The following SLIT3 variants were observed in gnomAD, a reference collection of about 807,000 sequenced individuals.
The protein encoded by SLIT3 is slit homolog 3 protein.
A neutral mutation model predicts 184.0 loss-of-function variants in SLIT3; 68 were observed. The ratio of observed to expected loss-of-function variants is 0.37; its 90% CI spans 0.30 to 0.45. The LOEUF is 0.45. Ranked by LOEUF, SLIT3 falls within the 20% of genes least tolerant of loss-of-function variation. The pLI, the probability that SLIT3 is intolerant of heterozygous loss-of-function variation, is 1.00. For missense variants in SLIT3, 1,707 were observed against 2,026.0 expected (o/e 0.84, Z 3.02); for synonymous variants, 831 against 828.6 (o/e 1.00, Z -0.05).
chr5:168,902,567 C>G (rs1045107514), intron 4 of SLIT3, among the ~76,000 whole-genome samples: 1 of 152,154 alleles, frequency 6.6e-6, no homozygotes, highest in African/African-American at 2.4e-5. Flanking sequence ...CAGCCGTTCT[C>G]AAAGTATGGT....
chr5:169,260,229 C>A (rs968466456), intron 1 of SLIT3, among the ~76,000 whole-genome samples: 1 of 152,142 alleles, frequency 6.6e-6, no homozygotes, highest in African/African-American at 2.4e-5. Context: ...AATTAAGAGG[C>A]CCCCATAGCA....
chr5:168,999,346 G>A (rs982496060), intron 4 of SLIT3, among the ~76,000 whole-genome samples: 1 of 151,594 alleles, frequency 6.6e-6, no homozygotes, highest in Admixed American at 6.6e-5. Flanking sequence ...TGTGCTGCTG[G>A]CTTTACCTCT....
chr5:169,177,655 T>A (rs971457496), intron 4 of SLIT3, among the ~76,000 whole-genome samples: 11 of 152,188 alleles, frequency 7.2e-5, no homozygotes, highest in African/African-American at 2.7e-4. Context: ...AGGCTCCTTA[T>A]AAAGGAGAAG....
At chr5:168,855,185 T>G (rs544620823) in intron 5 of SLIT3, among the ~76,000 whole-genome samples, 1 of 152,076 alleles carries the variant, frequency 6.6e-6, no homozygotes, top group East Asian at 1.9e-4. Flanking sequence ...TCACACACAC[T>G]AGAAAGGCTG....
intron 4 of SLIT3, among the ~76,000 whole-genome samples, chr5:169,170,959 C>T (rs1260621566): frequency 6.6e-6 from 1 of 152,084 alleles, no homozygotes; most frequent in Non-Finnish European, 1.5e-5. Flanking sequence ...GGTTACCAAC[C>T]ATGTAGTTGG....
intron 4 of SLIT3, among the ~76,000 whole-genome samples, chr5:168,884,296 C>T (rs956857581): frequency 4.0e-5 from 6 of 151,356 alleles, no homozygotes; most frequent in East Asian, 1.9e-4. Context: ...AGGCTGTTCC[C>T]GCACAGCCAC....
intron 3 of SLIT3, among the ~76,000 whole-genome samples, chr5:169,196,174 A>T (rs297841): frequency 0.68 from 103,439 of 151,054 alleles, 35,975 homozygotes; most frequent in East Asian, 0.79. Context: ...AAAAAAAAAG[A>T]GGGGGACTCC....
At chr5:168,703,185 C>A (rs1332035500) in intron 26 of SLIT3, among the ~76,000 whole-genome samples, 2 of 151,598 alleles carry the variant, frequency 1.3e-5, no homozygotes, top group Non-Finnish European at 2.9e-5. Context: ...ATTTGTGGTG[C>A]TCCTTGGTCC....
At chr5:169,222,037 A>G (rs981245353) in intron 3 of SLIT3, among the ~76,000 whole-genome samples, 1 of 152,248 alleles carries the variant, frequency 6.6e-6, no homozygotes, top group Admixed American at 6.5e-5. Context: ...GTGTTGTCAA[A>G]TACTCAAAAG....
chr5:168,710,751 T>G, intron 25 of SLIT3, 144 bp downstream of exon 25: 1 of 632,812 alleles, frequency 1.6e-6, no homozygotes, highest in East Asian at 3.4e-5. Context: ...CGTCAGCATC[T>G]GAGCCTCTTT....
intron 12 of SLIT3, among the ~76,000 whole-genome samples, chr5:168,781,510 T>C (rs1310981993): frequency 2.0e-5 from 3 of 152,204 alleles, no homozygotes; most frequent in Non-Finnish European, 4.4e-5. Flanking sequence ...GCCAAGTCAG[T>C]CTGCTTCTTC....
At chr5:168,787,168 C>T (rs1412765259) in intron 11 of SLIT3, among the ~76,000 whole-genome samples, 1 of 152,214 alleles carries the variant, frequency 6.6e-6, no homozygotes, top group African/African-American at 2.4e-5. Flanking sequence ...AGCATGATAG[C>T]TCAGGCACAC....
intron 29 of SLIT3, among the ~76,000 whole-genome samples, chr5:168,688,737 C>T (rs1433978237): frequency 6.6e-6 from 1 of 152,206 alleles, no homozygotes; most frequent in Non-Finnish European, 1.5e-5. Context: ...TAAGGAAACA[C>T]ATTGAGAATG....
rs545529572 is a variant in SLIT3 at position 169,058,333 on chromosome 5, C to T, written c.413+135146G>A. ...TTGCTTACTGTGCTGCTTAGGGTTCCGGGAGGGCCACCAAACAAGGGAAGC... is the reference window on the plus strand; with the variant it reads ...TTGCTTACTGTGCTGCTTAGGGTTCTGGGAGGGCCACCAAACAAGGGAAGC... On this transcript the variant is annotated intron_variant, in intron 4 of 35. Coordinates refer to ENST00000519560, the MANE Select transcript of SLIT3 (RefSeq NM_003062.4). Among the ~76,000 whole-genome samples the T allele has an allele frequency of 9.2e-5, 14 of 152,224 alleles. No individual in the cohort carries two copies. The South Asian group carries it at 1.7e-3, about 18-fold the overall frequency.
At chr5:169,191,821 T>A (rs1365983011) in intron 4 of SLIT3, among the ~76,000 whole-genome samples, 1 of 152,040 alleles carries the variant, frequency 6.6e-6, no homozygotes, top group Non-Finnish European at 1.5e-5. Context: ...CATGGGAAGG[T>A]TTCTGTGAGC....
intron 1 of SLIT3, among the ~76,000 whole-genome samples, chr5:169,285,252 G>A (rs751667624): frequency 2.0e-5 from 3 of 152,128 alleles, no homozygotes; most frequent in East Asian, 3.8e-4. Flanking sequence ...TCTCCTTGGC[G>A]CTAAGCTCCT....
chr5:168,810,800 C>T (rs970778922), intron 8 of SLIT3, among the ~76,000 whole-genome samples: 8 of 151,908 alleles, frequency 5.3e-5, no homozygotes, highest in Non-Finnish European at 1.0e-4. Flanking sequence ...CCTCACTGAT[C>T]ATCAGTGGTG....
At chr5:168,780,993 C>T (rs871096) in intron 12 of SLIT3, among the ~76,000 whole-genome samples, 24,178 of 152,108 alleles carry the variant, frequency 0.16, 2,344 homozygotes, top group African/African-American at 0.28. Context: ...ACAGGAGGAG[C>T]CCTCCAAGTC....
chr5:169,131,570 G>A (rs907842924), intron 4 of SLIT3, among the ~76,000 whole-genome samples: 3 of 152,114 alleles, frequency 2.0e-5, no homozygotes, highest in Non-Finnish European at 4.4e-5. Flanking sequence ...TCATCCAAAC[G>A]ACTTCTAAAT....
Sources: allele counts gnomAD v4.1 joint callset (sites outside exome capture counted in the v4.1 genomes callset), GRCh38; gene constraint gnomAD v4.1.1; transcripts MANE v1.5; gene names NCBI Gene and HGNC (gene_info 2026-07-23, HGNC 2026-07-21).